The following GPRC6A variants were observed in gnomAD, a reference collection of about 807,000 sequenced individuals.
GPRC6A encodes G protein-coupled receptor class C group 6 member A.
A neutral mutation model predicts 47.0 loss-of-function variants in GPRC6A; 54 were observed. The observed-to-expected ratio is 1.15, with a 90% CI of 0.92 to 1.44. The LOEUF (loss-of-function observed/expected upper bound fraction) is 1.44. GPRC6A is among the 40% of genes most tolerant of loss of function. The probability of loss-of-function intolerance (pLI) is 0.00; values close to 1 mark genes in which losing one functional copy is unlikely to be tolerated. For synonymous variants in GPRC6A, 347 were observed against 377.1 expected (o/e 0.92, Z 0.93); for missense variants, 1,112 against 1,105.5 (o/e 1.01, Z -0.08).
intron 1 of GPRC6A, among the ~76,000 whole-genome samples, chr6:116,810,920 AC>A (rs980440446): frequency 6.6e-6 from 1 of 152,084 alleles, no homozygotes; most frequent in Admixed American, 6.5e-5. Flanking sequence ...TGTCCCAAGA[AC>A]CCAAGAAATC....
intron 3 of GPRC6A, among the ~76,000 whole-genome samples, chr6:116,805,333 T>C (rs1157211005): frequency 2.0e-5 from 3 of 151,888 alleles, no homozygotes; most frequent in Non-Finnish European, 2.9e-5. Flanking sequence ...ATATCAGACC[T>C]CGAATATGGT....
rs775156321 is a variant in GPRC6A at position 116,792,597 on chromosome 6, C to T, written c.2326G>A (p.Glu776Lys). 3 of 1,442,874 alleles carry T rather than the reference C, an allele frequency of 2.1e-6. No homozygotes were observed. Among genetic ancestry groups the T allele is most frequent in the Admixed American group, 2.1e-5 (1 of 46,720 alleles). 89.4% of individuals were successfully genotyped at this position (1,442,874 alleles called of 1,614,324 possible). ...ATGAATTTGGCTTCATTGTAATTCT[C>T]ATATTTGCCTTTGAAAGCAAATATG... ...CFIFAFKGKY[E>K]NYNEAKFITF... Residue 776 changes from glutamate to lysine, a missense_variant, in exon 6 of 6, where the codon GAG becomes AAG. By Grantham distance (56) the Glu-to-Lys change is moderately conservative (BLOSUM62 1). Transcript: ENST00000310357.
At chr6:116,803,792 A>G (rs17078385) in intron 3 of GPRC6A, among the ~76,000 whole-genome samples, 17,520 of 151,942 alleles carry the variant, frequency 0.12, 1,302 homozygotes, top group African/African-American at 0.21. Flanking sequence ...ATTCACATAG[A>G]GGTCATGTTT....
chr6:116,822,904 A>G (rs566355787), intron 1 of GPRC6A, among the ~76,000 whole-genome samples: 1 of 150,976 alleles, frequency 6.6e-6, no homozygotes, highest in East Asian at 1.9e-4. Flanking sequence ...AAAAAAAAAA[A>G]AAAAAGAAAG....
chr6:116,795,549 A>C (rs921467893), intron 5 of GPRC6A, among the ~76,000 whole-genome samples, 163 bp downstream of exon 5: 1 of 152,190 alleles, frequency 6.6e-6, no homozygotes. Flanking sequence ...ATAATAGAGC[A>C]AATTCCAAGA....
intron 1 of GPRC6A, among the ~76,000 whole-genome samples, chr6:116,812,953 A>G (rs1773076044): frequency 6.6e-6 from 1 of 152,192 alleles, no homozygotes; most frequent in Non-Finnish European, 1.5e-5. Flanking sequence ...AAGCATTCCT[A>G]TACACCAATA....
Position 116,806,555 on chromosome 6 carries a change from A to C in GPRC6A, c.1150T>G (p.Leu384Val). The C allele has an allele frequency of 7.4e-6, 12 of 1,613,632 alleles. No homozygotes were observed. The highest frequency in any genetic ancestry group is 7.6e-6 in the Non-Finnish European group (9 of 1,179,770). Residue 384 changes from leucine to valine, a missense_variant, in exon 3 of 6, where the codon TTG becomes GTG. By Grantham distance (32) the Leu-to-Val change is conservative. Transcript: ENST00000310357. ...ATAGCCTTGTTAGCCTTGTAGGCCA[A>C]AGTCCTTTGAGAATGATTGAATATG... ...QCIFNHSQRTLAYKANKAIER... is the reference protein window; with the variant it reads ...QCIFNHSQRTVAYKANKAIER...
intron 1 of GPRC6A, among the ~76,000 whole-genome samples, chr6:116,815,680 A>G (rs1385860606): frequency 6.6e-6 from 1 of 152,220 alleles, no homozygotes; most frequent in African/African-American, 2.4e-5. Flanking sequence ...CTCAGGCTGC[A>G]ATGAACTAAA....
At chr6:116,819,906 T>A (rs9400963) in intron 1 of GPRC6A, among the ~76,000 whole-genome samples, 1 of 147,540 alleles carries the variant, frequency 6.8e-6, no homozygotes, top group East Asian at 2.0e-4. Flanking sequence ...TTCAAAAAAT[T>A]AATGAATCCA....
Position 116,792,106 on chromosome 6 carries a change from A to AT in GPRC6A, c.*35dup. ...TCTTAGATGCAAAGACCCTGGAAAC[A>AT]TTTTATTCTGGAATGTGGCATCTCC... On this transcript the variant is annotated 3_prime_UTR_variant, in exon 6 of 6. Transcript: ENST00000310357. 2 of 1,543,644 alleles carry AT rather than the reference A, an allele frequency of 1.3e-6. No homozygotes were observed. Among genetic ancestry groups the AT allele is most frequent in the Non-Finnish European group, 1.8e-6 (2 of 1,139,060 alleles).
chr6:116,824,144 A>G (rs758111128), intron 1 of GPRC6A, among the ~76,000 whole-genome samples: 2 of 152,138 alleles, frequency 1.3e-5, no homozygotes, highest in Non-Finnish European at 2.9e-5. Context: ...TCTACAACGA[A>G]AAAGAAGAAA....
chr6:116,798,155 A>G (rs1772545821), intron 4 of GPRC6A, among the ~76,000 whole-genome samples: 1 of 152,240 alleles, frequency 6.6e-6, no homozygotes, highest in Non-Finnish European at 1.5e-5. Flanking sequence ...GTACAGAATG[A>G]CAGAAAGTTA....
In GPRC6A at chr6:116,792,125, C is replaced by A; in HGVS notation, c.*17G>T. The A allele has an allele frequency of 6.3e-7, 1 of 1,576,680 alleles. No individual in the cohort carries two copies. Among genetic ancestry groups the A allele is most frequent in the South Asian group, 1.2e-5 (1 of 85,144 alleles). On this transcript the variant is annotated 3_prime_UTR_variant, in exon 6 of 6. Transcript: ENST00000310357. ...GGAAACATTTTATTCTGGAATGTGG[C>A]ATCTCCTAAGGCTTATTCATATACT...
At chr6:116,814,382 A>T (rs1164526613) in intron 1 of GPRC6A, among the ~76,000 whole-genome samples, 1 of 151,544 alleles carries the variant, frequency 6.6e-6, no homozygotes, top group Non-Finnish European at 1.5e-5. Flanking sequence ...AGACTGGATT[A>T]AAAAAATGTG....
chr6:116,821,364 A>C (rs1489565645), intron 1 of GPRC6A, among the ~76,000 whole-genome samples: 1 of 152,122 alleles, frequency 6.6e-6, no homozygotes, highest in East Asian at 1.9e-4. Context: ...AACTACTTTA[A>C]AGTTCATATG....
At position 116,806,977 on chromosome 6, in the gene GPRC6A, T is replaced by C. The variant is rs528397450; in HGVS notation, c.728A>G (p.Glu243Gly). ...ATCTGAAAGAAAGGCTGGAAGAACC[T>C]CTTTGAAGGCTATGCACACGTTATT... Reference protein sequence around the residue: ...EANNVCIAFKEVLPAFLSDNT... With the variant: ...EANNVCIAFKGVLPAFLSDNT... Residue 243 changes from glutamate to glycine, a missense_variant, in exon 3 of 6, where the codon GAG (glutamate) becomes GGG (glycine). Coordinates refer to ENST00000310357, the MANE Select transcript of GPRC6A (RefSeq NM_148963.4). The C allele has an allele frequency of 3.1e-6, 5 of 1,613,598 alleles. No individual in the cohort carries two copies. The highest frequency in any genetic ancestry group is 4.5e-5 in the East Asian group (2 of 44,868).
In GPRC6A at chr6:116,800,595, T is replaced by C; in HGVS notation, c.1537A>G (p.Arg513Gly). 6.2e-7 allele frequency: 1 copy of C among 1,612,048 alleles called. No individual in the cohort carries two copies. Among genetic ancestry groups the C allele is most frequent in the Non-Finnish European group, 8.5e-7 (1 of 1,178,302 alleles). ...TACAACAAGGTTACCTTAAGATTCC[T>C]GAACTCATTTTTTGTTTCCTGATCT... is the stretch of plus-strand genomic sequence containing the variant. ...IPDQETKNEFRNLKQIQSKCS... is the reference protein window; with the variant it reads ...IPDQETKNEFGNLKQIQSKCS... Residue 513 changes from arginine (R) to glycine (G), a missense_variant, in exon 4 of 6, where the codon AGG (arginine) becomes GGG (glycine). Coordinates refer to ENST00000310357, the MANE Select transcript of GPRC6A (RefSeq NM_148963.4).
chr6:116,798,498 T>TA (rs1772556786), intron 4 of GPRC6A, among the ~76,000 whole-genome samples: 1 of 152,108 alleles, frequency 6.6e-6, no homozygotes, highest in Non-Finnish European at 1.5e-5. Flanking sequence ...TTTTTAAAGA[T>TA]ATGGCTTTTA....
rs1772868667 is a variant in GPRC6A at position 116,807,016 on chromosome 6, A to G, written c.689T>C (p.Ile230Thr). ...YGRLALNTFI[I>T]QAEANNVCIA... ...GCACACGTTATTTGCTTCAGCCTGA[A>G]TTATAAAAGTGTTAAGAGCCAATCG... The change falls in exon 3 of 6, where the codon ATT becomes ACT. Residue 230 changes from isoleucine (I) to threonine (T), a missense_variant. Coordinates refer to ENST00000310357, the MANE Select transcript of GPRC6A (RefSeq NM_148963.4). The G allele has an allele frequency of 1.2e-6, 2 of 1,613,774 alleles. No homozygotes were observed. The highest frequency in any genetic ancestry group is 1.3e-5 in the African/African-American group (1 of 75,022).
Sources: gnomAD v4.1 joint callset for allele counts (sites outside exome capture counted in the v4.1 genomes callset) on GRCh38, gnomAD v4.1.1 for gene constraint, MANE v1.5 for transcripts, NCBI Gene and HGNC (gene_info 2026-07-23, HGNC 2026-07-21) for gene names.